Variants in GNA13 observed in about 807,000 individuals in gnomAD.
The protein encoded by GNA13 is G protein subunit alpha 13.
In GNA13, 4 loss-of-function variants were observed where a neutral mutation model predicts 33.5. The observed-to-expected ratio is 0.12, with a 90% CI of 0.06 to 0.27. GNA13 has a LOEUF of 0.27. Among genes scored for constraint, GNA13 ranks in the 10% least tolerant of loss-of-function variants. GNA13 has a pLI of 1.00. For synonymous variants in GNA13, 176 were observed against 183.8 expected (o/e 0.96, Z 0.34); for missense variants, 319 against 487.2 (o/e 0.65, Z 3.25).
In GNA13 at chr17:65,013,286, G is replaced by C. The variant is rs1906254111; in HGVS notation, c.*971C>G. On this transcript the variant is annotated 3_prime_UTR_variant, in exon 4 of 4. Transcript: ENST00000439174. ...AGTGTGGAGTTGATGGGACTGGACA[G>C]GACAGCAAAAGATAGATGTTTGTGA... 4.8e-6 allele frequency: 1 copy of C among 209,256 alleles called. No homozygotes were observed. The highest frequency in any genetic ancestry group is 9.7e-6 in the Non-Finnish European group (1 of 102,730). 13.0% of individuals were successfully genotyped at this position (209,256 alleles called of 1,614,324 possible).
intron 2 of GNA13, among the ~76,000 whole-genome samples, chr17:65,033,232 C>T (rs1907114898): frequency 1.3e-5 from 2 of 152,006 alleles, no homozygotes; most frequent in Non-Finnish European, 2.9e-5. Flanking sequence ...CACCTGTAAT[C>T]CCAATGCTTT....
intron 2 of GNA13, among the ~76,000 whole-genome samples, chr17:65,050,673 G>C (rs1428109056): frequency 6.6e-6 from 1 of 152,150 alleles, no homozygotes; most frequent in Non-Finnish European, 1.5e-5. Flanking sequence ...TGAGTCTACA[G>C]TGAGCTATGA....
chr17:65,032,352 A>C (rs1406833088), intron 2 of GNA13, among the ~76,000 whole-genome samples: 1 of 152,232 alleles, frequency 6.6e-6, no homozygotes, highest in Non-Finnish European at 1.5e-5. Context: ...TATGAAATAT[A>C]CCATGAGATT....
intron 2 of GNA13, among the ~76,000 whole-genome samples, chr17:65,028,533 T>C (rs973395580): frequency 1.3e-5 from 2 of 152,146 alleles, no homozygotes; most frequent in Non-Finnish European, 2.9e-5. Flanking sequence ...AATTATAATT[T>C]TCCTAAATGG....
At chr17:65,032,110 T>C (rs145582232) in intron 2 of GNA13, among the ~76,000 whole-genome samples, 1 of 152,164 alleles carries the variant, frequency 6.6e-6, no homozygotes, top group Middle Eastern at 3.4e-3. Context: ...CAGAAGCCAT[T>C]CCATCTAGCA....
chr17:65,016,457 G>T (rs199709507), intron 3 of GNA13, among the ~76,000 whole-genome samples: 1 of 152,176 alleles, frequency 6.6e-6, no homozygotes, highest in Non-Finnish European at 1.5e-5. Context: ...CGCCTCCCAG[G>T]TTCAAGCGAT....
chr17:65,024,894 G>A (rs1906716128), intron 2 of GNA13, among the ~76,000 whole-genome samples: 1 of 151,998 alleles, frequency 6.6e-6, no homozygotes, highest in African/African-American at 2.4e-5. Context: ...CTTGTTTTTT[G>A]TTTTCTTGAG....
chr17:65,013,303 T>C lies in GNA13; in HGVS notation c.*954A>G. 1 of 208,592 alleles carries C rather than the reference T, an allele frequency of 4.8e-6. No homozygotes were observed. The allele number at this position is 208,592 out of a possible 1,614,324, so 12.9% of individuals were successfully genotyped here. On this transcript the variant is annotated 3_prime_UTR_variant, in exon 4 of 4. Transcript: ENST00000439174. ...ACTGGACAGGACAGCAAAAGATAGA[T>C]GTTTGTGATGATACAACAATGATTT...
At chr17:65,031,822 G>T (rs1350407870) in intron 2 of GNA13, among the ~76,000 whole-genome samples, 1 of 146,582 alleles carries the variant, frequency 6.8e-6, no homozygotes, top group African/African-American at 2.5e-5. Flanking sequence ...GGTGAGGTAG[G>T]GGGTACTATT....
Position 65,053,798 on chromosome 17 carries a change from A to G in GNA13, c.284-70T>C, listed in dbSNP as rs145115121. On this transcript the variant is annotated intron_variant, in intron 1 of 3. Coordinates refer to ENST00000439174, the MANE Select transcript of GNA13 (RefSeq NM_006572.6). ...ACATATTATCATAAGTTTTTATTCCAGTATTATTTCCTTATACTTCTGAAT... is the reference window on the plus strand; with the variant it reads ...ACATATTATCATAAGTTTTTATTCCGGTATTATTTCCTTATACTTCTGAAT... 1.3e-4 allele frequency: 128 copies of G among 981,214 alleles called. No individual in the cohort carries two copies. In the African/African-American group the frequency reaches 1.8e-3, roughly 14 times the overall value. The allele number at this position is 981,214 out of a possible 1,614,324, so 60.8% of individuals were successfully genotyped here. A position where few individuals can be genotyped will look rare whatever the true frequency, so the allele number is the denominator to read the frequency against.
chr17:65,053,749 A>T (rs1187857777), intron 1 of GNA13, 21 bp from the exon 2 acceptor site: 2 of 1,455,886 alleles, frequency 1.4e-6, no homozygotes, highest in South Asian at 1.2e-5. Flanking sequence ...AAAGAAGAAA[A>T]AAAATGTATG....
Position 65,053,797 on chromosome 17 carries a change from C to G in GNA13, c.284-69G>C, listed in dbSNP as rs1907942338. On this transcript the variant is annotated intron_variant, in intron 1 of 3. Coordinates refer to ENST00000439174, the MANE Select transcript of GNA13 (RefSeq NM_006572.6). ...TACATATTATCATAAGTTTTTATTC[C>G]AGTATTATTTCCTTATACTTCTGAA... The G allele has an allele frequency of 1.6e-5, 16 of 984,734 alleles. 1 individual carries two copies. The East Asian group carries it at 3.8e-4, about 24-fold the overall frequency. 61.0% of individuals were successfully genotyped at this position (984,734 alleles called of 1,614,324 possible). A position where few individuals can be genotyped will look rare whatever the true frequency, so the allele number is the denominator to read the frequency against.
intron 2 of GNA13, among the ~76,000 whole-genome samples, chr17:65,035,495 G>C (rs1178464976): frequency 6.6e-6 from 1 of 152,154 alleles, no homozygotes; most frequent in African/African-American, 2.4e-5. Context: ...TGGTAGGATA[G>C]TGGCTAACTG....
intron 1 of GNA13, 62 bp downstream of exon 1, chr17:65,056,249 G>GCC: frequency 6.5e-6 from 5 of 774,830 alleles, no homozygotes; most frequent in Non-Finnish European, 7.8e-6. Context: ...GCCCCGCCCC[G>GCC]CACCCGCCGC....
chr17:65,028,422 A>T (rs1009189543), intron 2 of GNA13, among the ~76,000 whole-genome samples: 12 of 151,846 alleles, frequency 7.9e-5, no homozygotes, highest in Non-Finnish European at 1.2e-4. Flanking sequence ...AAAAAAAAAA[A>T]AAAAATACCA....
chr17:65,018,603 CAT>C (rs2143773588), intron 2 of GNA13, among the ~76,000 whole-genome samples: 1 of 152,248 alleles, frequency 6.6e-6, no homozygotes, highest in African/African-American at 2.4e-5. Flanking sequence ...ACAGTGAAGA[CAT>C]ATAATTAGAA....
In GNA13 at chr17:65,013,321, A is replaced by G. The variant is rs1302377668; in HGVS notation, c.*936T>C. On this transcript the variant is annotated 3_prime_UTR_variant, in exon 4 of 4. Coordinates refer to ENST00000439174, the MANE Select transcript of GNA13 (RefSeq NM_006572.6). ...AGATAGATGTTTGTGATGATACAACAATGATTTCCTACAGTAAGGATTGGT... is the reference window on the plus strand; with the variant it reads ...AGATAGATGTTTGTGATGATACAACGATGATTTCCTACAGTAAGGATTGGT... The G allele has an allele frequency of 9.6e-6, 2 of 208,416 alleles. No homozygotes were observed. Among genetic ancestry groups the G allele is most frequent in the African/African-American group, 4.6e-5 (2 of 43,714 alleles). 12.9% of individuals were successfully genotyped at this position (208,416 alleles called of 1,614,324 possible).
At chr17:65,052,481 A>G (rs1907891584) in intron 2 of GNA13, among the ~76,000 whole-genome samples, 1 of 152,196 alleles carries the variant, frequency 6.6e-6, no homozygotes. Context: ...CTGTCACTTC[A>G]TTTTAATCAT....
intron 2 of GNA13, among the ~76,000 whole-genome samples, chr17:65,037,100 A>G (rs9894047): frequency 0.012 from 1,788 of 152,374 alleles, 41 homozygotes; most frequent in African/African-American, 0.04. Flanking sequence ...GGAAATGATC[A>G]TAAGTAAAAT....
Sources: allele counts gnomAD v4.1 joint callset (sites outside exome capture counted in the v4.1 genomes callset), GRCh38; gene constraint gnomAD v4.1.1; transcripts MANE v1.5; gene names NCBI Gene and HGNC (gene_info 2026-07-23, HGNC 2026-07-21).